THSD7B: variants seen among roughly 807,000 people sequenced by gnomAD.
THSD7B encodes thrombospondin type-1 domain-containing protein 7B.
A neutral mutation model predicts 213.6 loss-of-function variants in THSD7B; 138 were observed. That is an observed-to-expected ratio of 0.65 (90% CI 0.56 to 0.74). THSD7B has a LOEUF of 0.74. Among genes scored for constraint, THSD7B ranks in the 30% least tolerant of loss-of-function variants. The pLI, the probability that THSD7B is intolerant of heterozygous loss-of-function variation, is 0.00. For missense variants in THSD7B, 1,931 were observed against 1,991.5 expected (o/e 0.97, Z 0.58); for synonymous variants, 742 against 687.0 (o/e 1.08, Z -1.25).
intron 1 of THSD7B, among the ~76,000 whole-genome samples, chr2:136,804,312 T>C (rs943495193): frequency 6.6e-6 from 1 of 152,120 alleles, no homozygotes; most frequent in Admixed American, 6.6e-5. Context: ...TGTGTCTATA[T>C]AGAGGTTGAA....
At chr2:136,992,653 T>C (rs1300192686) in intron 2 of THSD7B, among the ~76,000 whole-genome samples, 1 of 152,168 alleles carries the variant, frequency 6.6e-6, no homozygotes, top group Non-Finnish European at 1.5e-5. Flanking sequence ...GGTAGGACAA[T>C]TGCACACTTA....
In THSD7B at chr2:137,136,557, ATGG is replaced by A. The variant is rs908171435; in HGVS notation, c.1369+21265_1369+21267del. On this transcript the variant is annotated intron_variant, in intron 5 of 27. Coordinates refer to ENST00000409968, the MANE Select transcript of THSD7B (RefSeq NM_001316349.2). ...TCAATGGTTGATTCAAGAGACATGA[ATGG>A]GCACAGTCAGCTATGAAAGGCGTAA... Among the ~76,000 whole-genome samples the A allele has an allele frequency of 6.2e-4, 95 of 152,174 alleles. 3 individuals carry two copies. Among genetic ancestry groups the A allele is most frequent in the Non-Finnish European group, 2.4e-4 (16 of 68,026 alleles).
intron 12 of THSD7B, among the ~76,000 whole-genome samples, chr2:137,393,690 TG>T (rs1686101782): frequency 7.1e-6 from 1 of 141,288 alleles, no homozygotes; most frequent in Admixed American, 7.0e-5. Flanking sequence ...ATGGGATGGC[TG>T]GGTCAAATGG....
At chr2:136,891,519 C>A (rs1683858914) in intron 2 of THSD7B, among the ~76,000 whole-genome samples, 1 of 152,186 alleles carries the variant, frequency 6.6e-6, no homozygotes, top group Non-Finnish European at 1.5e-5. Context: ...AACAAAGATG[C>A]TCCCAAATAC....
chr2:137,238,564 T>TTTTTTTTTC (rs1553481982), intron 9 of THSD7B, among the ~76,000 whole-genome samples: 7 of 83,422 alleles, frequency 8.4e-5, no homozygotes, highest in East Asian at 3.4e-4. Context: ...TTTTTTTTTT[T>TTTTTTTTTC]GAGACGGAGT....
At chr2:137,556,303 T>A (rs943310335) in intron 15 of THSD7B, among the ~76,000 whole-genome samples, 2 of 152,050 alleles carry the variant, frequency 1.3e-5, no homozygotes, top group Non-Finnish European at 1.5e-5. Flanking sequence ...AAAGGTCGGG[T>A]TACCCACAAA....
intron 12 of THSD7B, among the ~76,000 whole-genome samples, chr2:137,401,106 T>G (rs751797317): frequency 5.3e-5 from 8 of 152,222 alleles, no homozygotes; most frequent in Non-Finnish European, 8.8e-5. Context: ...TACTTCTGAT[T>G]TAATCCTCAG....
At chr2:136,933,524 A>C (rs899890833) in intron 2 of THSD7B, among the ~76,000 whole-genome samples, 1 of 152,152 alleles carries the variant, frequency 6.6e-6, no homozygotes, top group Non-Finnish European at 1.5e-5. Flanking sequence ...GGTTGCAGTG[A>C]GCCGAAATCA....
At chr2:137,138,440 G>A (rs963778155) in intron 5 of THSD7B, among the ~76,000 whole-genome samples, 1 of 152,068 alleles carries the variant, frequency 6.6e-6, no homozygotes, top group East Asian at 1.9e-4. Flanking sequence ...GTGGGTGTAT[G>A]GTGGTTTCTC....
chr2:137,264,916 C>T (rs866549686), intron 10 of THSD7B, among the ~76,000 whole-genome samples: 5 of 151,604 alleles, frequency 3.3e-5, no homozygotes, highest in Admixed American at 2.0e-4. Context: ...CATGCTGGTG[C>T]GCTGCACCCA....
intron 17 of THSD7B, among the ~76,000 whole-genome samples, chr2:137,588,627 A>AT (rs893620591): frequency 6.6e-5 from 10 of 151,756 alleles, no homozygotes; most frequent in African/African-American, 1.5e-4. Flanking sequence ...GCACACATAG[A>AT]TTTTTTTAGC....
chr2:136,905,497 A>G (rs1684144281), intron 2 of THSD7B, among the ~76,000 whole-genome samples: 1 of 152,244 alleles, frequency 6.6e-6, no homozygotes, highest in African/African-American at 2.4e-5. Context: ...TGTATACTAA[A>G]TACTATGCTA....
intron 1 of THSD7B, among the ~76,000 whole-genome samples, chr2:136,826,855 C>T (rs956727764): frequency 6.6e-6 from 1 of 152,176 alleles, no homozygotes; most frequent in African/African-American, 2.4e-5. Flanking sequence ...AAGGAGTGAT[C>T]TGACATGGTT....
intron 12 of THSD7B, among the ~76,000 whole-genome samples, chr2:137,398,139 G>GATC (rs1476192843): frequency 2.7e-5 from 4 of 148,408 alleles, no homozygotes; most frequent in African/African-American, 9.8e-5. Flanking sequence ...AGAGTAATTT[G>GATC]ATCGTCTGAA....
At chr2:136,877,108 A>T (rs113903335) in intron 1 of THSD7B, among the ~76,000 whole-genome samples, 1 of 39,854 alleles carries the variant, frequency 2.5e-5, no homozygotes, top group Non-Finnish European at 8.3e-5. Context: ...GCTGCTGTCC[A>T]CTAGGGTTCC....
At chr2:137,306,969 T>A (rs187610627) in intron 12 of THSD7B, among the ~76,000 whole-genome samples, 57 of 152,322 alleles carry the variant, frequency 3.7e-4, no homozygotes, top group African/African-American at 1.3e-3. Flanking sequence ...AGAAGTACTT[T>A]AAATTCTCTT....
chr2:137,571,488 A>G (rs1681354249), intron 16 of THSD7B, among the ~76,000 whole-genome samples: 1 of 152,166 alleles, frequency 6.6e-6, no homozygotes, highest in South Asian at 2.1e-4. Flanking sequence ...GTATAGGTTT[A>G]GCTTTAGTAG....
chr2:137,111,142 C>T (rs1384356580), intron 4 of THSD7B, among the ~76,000 whole-genome samples: 1 of 152,164 alleles, frequency 6.6e-6, no homozygotes, highest in Non-Finnish European at 1.5e-5. Context: ...ACAGGGCTCT[C>T]ATTATAAAAT....
At chr2:137,072,187 T>G (rs1687507468) in intron 3 of THSD7B, among the ~76,000 whole-genome samples, 1 of 152,200 alleles carries the variant, frequency 6.6e-6, no homozygotes, top group Non-Finnish European at 1.5e-5. Context: ...AATCTATAAA[T>G]TACCTTGGGC....
Sources: allele counts gnomAD v4.1 joint callset (sites outside exome capture counted in the v4.1 genomes callset), GRCh38; gene constraint gnomAD v4.1.1; transcripts MANE v1.5; gene names NCBI Gene and HGNC (gene_info 2026-07-23, HGNC 2026-07-21).